The following P3H2 variants were observed in gnomAD, a reference collection of about 807,000 sequenced individuals.
P3H2 encodes prolyl 3-hydroxylase 2, also known as leprecan-like 1.
Under a neutral mutation model 87.0 loss-of-function variants are expected in P3H2, and 80 were observed. That is an observed-to-expected ratio of 0.92 (90% CI 0.77 to 1.11). The LOEUF is 1.11. Among genes scored for constraint, P3H2 ranks in the 50% least tolerant of loss-of-function variants. The probability of loss-of-function intolerance (pLI) is 0.00; values close to 1 mark genes in which losing one functional copy is unlikely to be tolerated. For synonymous variants in P3H2, 367 were observed against 359.3 expected, an observed-to-expected ratio of 1.02 and a Z score of -0.24; for missense variants, 1,001 against 923.9, an observed-to-expected ratio of 1.08 and a Z score of -1.08.
rs1199002608 is a variant in P3H2, at chr3:190,120,477, G to A, written c.255C>T (p.Ala85=). 3 of 1,438,844 alleles carry A rather than the reference G, an allele frequency of 2.1e-6. No homozygotes were observed. Among genetic ancestry groups the A allele is most frequent in the African/African-American group, 1.5e-5 (1 of 67,600 alleles). The allele number at this position is 1,438,844 out of a possible 1,614,324, so 89.1% of individuals were successfully genotyped here. Reference sequence around the variant, plus strand: ...GCGGGTGGCGCGCCGCGCAGTGGCGGGCACAGCGCGTGCGGATTTCCCGCA... The same window carrying A: ...GCGGGTGGCGCGCCGCGCAGTGGCGAGCACAGCGCGTGCGGATTTCCCGCA... ...RRLREIRTRC[A]RHCAARHPLP... The change falls in exon 1 of 15, where the codon GCC becomes GCT. Residue 85 remains alanine (A), a synonymous_variant. Transcript: ENST00000319332.
At chr3:189,963,453 T>A (rs1722876118) in intron 14 of P3H2, 1 of 156,580 alleles carries the variant, frequency 6.4e-6, no homozygotes, top group Admixed American at 6.1e-5. Flanking sequence ...TTGGTTTTTG[T>A]TTTTGTTTTG....
intron 1 of P3H2, among the ~76,000 whole-genome samples, chr3:190,023,073 G>A (rs977257458): frequency 4.6e-5 from 7 of 152,050 alleles, no homozygotes; most frequent in East Asian, 1.9e-4. Context: ...CGATCCGCCC[G>A]CCTTGGCCTC....
Position 189,971,925 on chromosome 3 carries a change from C to A in P3H2, c.1782G>T (p.Trp594Cys). 1 of 1,613,082 alleles carries A rather than the reference C, an allele frequency of 6.2e-7. No homozygotes were observed. Among genetic ancestry groups the A allele is most frequent in the Non-Finnish European group, 8.5e-7 (1 of 1,179,080 alleles). The change falls in exon 12 of 15, where the codon TGG becomes TGT. Residue 594 changes from tryptophan to cysteine, a missense_variant. By Grantham distance (215) the Trp-to-Cys change is radical (BLOSUM62 -2). Coordinates refer to ENST00000319332, the MANE Select transcript of P3H2 (RefSeq NM_018192.4). ...GAAATGTGTAAGCAGGAGGCTCCTT[C>A]CAGCATTCGTTGGCCTCTGGATCCA... ...CLLDPEANECWKEPPAYTFRD... is the reference protein window; with the variant it reads ...CLLDPEANECCKEPPAYTFRD...
chr3:190,015,473 T>C (rs1175578451), intron 1 of P3H2, among the ~76,000 whole-genome samples: 1 of 152,152 alleles, frequency 6.6e-6, no homozygotes, highest in Non-Finnish European at 1.5e-5. Context: ...AATAACTGAT[T>C]CCAACCCACG....
chr3:190,002,394 CTTTTTTCTTTTCT>C (rs1424922806), intron 1 of P3H2, among the ~76,000 whole-genome samples: 1 of 150,506 alleles, frequency 6.6e-6, no homozygotes, highest in African/African-American at 2.4e-5. Flanking sequence ...TTCTTTCTTT[CTTTTTTCTTTTCT>C]TTTTTTTTTT....
chr3:189,962,080 T>C (rs1722831866), intron 14 of P3H2, among the ~76,000 whole-genome samples: 2 of 151,922 alleles, frequency 1.3e-5, no homozygotes, highest in African/African-American at 4.8e-5. Flanking sequence ...GGGAAGGCAA[T>C]TGTTTGCTGC....
intron 4 of P3H2, 66 bp from the exon 5 acceptor site, chr3:189,987,735 G>A (rs1455557094): frequency 9.4e-6 from 15 of 1,595,706 alleles, no homozygotes; most frequent in Middle Eastern, 1.7e-4. Context: ...TTAAAGGGAG[G>A]CCATCAACGT....
chr3:189,974,826 T>C (rs1308662912), intron 8 of P3H2, 141 bp from the exon 9 acceptor site: 3 of 963,020 alleles, frequency 3.1e-6, no homozygotes, highest in African/African-American at 3.2e-5. Flanking sequence ...AAATTGCAAA[T>C]TAGGAAGCTT....
At position 190,116,121 on chromosome 3, in the gene P3H2, G is replaced by A. The variant is rs570183469; in HGVS notation, c.480+4131C>T. Among the ~76,000 whole-genome samples, 6 of 152,292 alleles carry A rather than the reference G, an allele frequency of 3.9e-5. No individual in the cohort carries two copies. The South Asian group carries it at 1.2e-3, about 32-fold the overall frequency. On this transcript the variant is annotated intron_variant, in intron 1 of 14. Transcript: ENST00000319332. ...AGAAGAGGAACAAAATTGTTACTGTGGGAATTCAGAAAATGGAGAAATGGT... is the reference window on the plus strand; with the variant it reads ...AGAAGAGGAACAAAATTGTTACTGTAGGAATTCAGAAAATGGAGAAATGGT...
chr3:190,023,051 C>T (rs575229651), intron 1 of P3H2, among the ~76,000 whole-genome samples: 1 of 152,058 alleles, frequency 6.6e-6, no homozygotes, highest in Non-Finnish European at 1.5e-5. Context: ...TGGTCTCGAT[C>T]TCCTGACCTC....
At chr3:189,968,351 T>G (rs1252034824) in intron 13 of P3H2, among the ~76,000 whole-genome samples, 1 of 152,140 alleles carries the variant, frequency 6.6e-6, no homozygotes, top group Non-Finnish European at 1.5e-5. Context: ...GGTGTTTGGT[T>G]TTCTGTTCCT....
At chr3:190,111,645 C>A (rs1472424991) in intron 1 of P3H2, among the ~76,000 whole-genome samples, 9 of 152,170 alleles carry the variant, frequency 5.9e-5, no homozygotes, top group African/African-American at 2.2e-4. Context: ...CTAGCATTGG[C>A]CCCTCTAGAA....
In P3H2 at chr3:190,063,756, G is replaced by A. The variant is rs892602058; in HGVS notation, c.480+56496C>T. Among the ~76,000 whole-genome samples, 7 of 151,964 alleles carry A rather than the reference G, an allele frequency of 4.6e-5. 1 individual carries two copies. Among genetic ancestry groups the A allele is most frequent in the Non-Finnish European group, 7.4e-5 (5 of 67,996 alleles). ...TGTATGGTGACCATTAGAGACTTCC[G>A]AGCTGCCTCTGGAACATAAGCTGTT... is the stretch of plus-strand genomic sequence containing the variant. On this transcript the variant is annotated intron_variant, in intron 1 of 14. Transcript: ENST00000319332.
chr3:190,036,736 C>T (rs1268359632), intron 1 of P3H2, among the ~76,000 whole-genome samples: 1 of 152,130 alleles, frequency 6.6e-6, no homozygotes, highest in Non-Finnish European at 1.5e-5. Context: ...CCCCAAGTTC[C>T]CTCTGTAGAA....
At chr3:189,958,915 C>T (rs549482170) in intron 14 of P3H2, among the ~76,000 whole-genome samples, 35 of 151,820 alleles carry the variant, frequency 2.3e-4, no homozygotes, top group Non-Finnish European at 3.7e-4. Context: ...TCTCAAACTC[C>T]CGACCTCAGG....
chr3:189,989,124 T>C, intron 3 of P3H2, 86 bp from the exon 4 acceptor site: 1 of 1,510,004 alleles, frequency 6.6e-7, no homozygotes, highest in Non-Finnish European at 9.2e-7. Context: ...CACAGGTCAT[T>C]CCTCACCTCA....
rs145198817 is a variant in P3H2 at position 189,964,040 on chromosome 3, G to C, written c.1952C>G (p.Pro651Arg). 1 of 1,614,138 alleles carries C rather than the reference G, an allele frequency of 6.2e-7. No individual in the cohort carries two copies. The highest frequency in any genetic ancestry group is 8.5e-7 in the Non-Finnish European group (1 of 1,180,002). ...MISFSSGGEN[P>R]HGVKAVTKGK... Reference sequence around the variant, plus strand: ...CTTGGTGACTGCCTTCACCCCATGAGGGTTCTCTCCTCCAGATGAGAAGCT... The same window carrying C: ...CTTGGTGACTGCCTTCACCCCATGACGGTTCTCTCCTCCAGATGAGAAGCT... Residue 651 changes from proline (P) to arginine (R), a missense_variant, in exon 14 of 15, where the codon CCT becomes CGT. Physicochemically the swap from Pro to Arg is moderately radical, Grantham distance 103. Coordinates refer to ENST00000319332, the MANE Select transcript of P3H2 (RefSeq NM_018192.4).
intron 1 of P3H2, among the ~76,000 whole-genome samples, chr3:190,050,704 C>T (rs755116846): frequency 2.6e-5 from 4 of 152,134 alleles, no homozygotes; most frequent in Non-Finnish European, 4.4e-5. Context: ...ATTCGTCCTT[C>T]ATGACAGAGA....
At chr3:190,032,113 A>G (rs1408190796) in intron 1 of P3H2, among the ~76,000 whole-genome samples, 2 of 152,194 alleles carry the variant, frequency 1.3e-5, no homozygotes, top group East Asian at 3.8e-4. Context: ...TGCATGTCCA[A>G]CGAGATGGAG....
Sources: gnomAD v4.1 joint callset for allele counts (sites outside exome capture counted in the v4.1 genomes callset) on GRCh38, gnomAD v4.1.1 for gene constraint, MANE v1.5 for transcripts, NCBI Gene and HGNC (gene_info 2026-07-23, HGNC 2026-07-21) for gene names.